The following TAX1BP3 variants were observed in gnomAD, a reference collection of about 807,000 sequenced individuals.
TAX1BP3 encodes the protein Tax1 binding protein 3, also known as tax1-binding protein 3.
TAX1BP3 carries 13 observed loss-of-function variants against 15.3 expected under a neutral mutation model. The ratio of observed to expected loss-of-function variants is 0.85; its 90% CI spans 0.55 to 1.35. TAX1BP3 has a LOEUF of 1.35. Among genes scored for constraint, TAX1BP3 ranks in the 40% most tolerant of loss-of-function variants. The probability of loss-of-function intolerance (pLI) is 0.00; values close to 1 mark genes in which losing one functional copy is unlikely to be tolerated. For missense variants in TAX1BP3, 147 were observed against 169.6 expected (o/e 0.87, Z 0.74); for synonymous variants, 70 against 66.0 (o/e 1.06, Z -0.30).
In TAX1BP3 at chr17:3,663,772, G is replaced by C; in HGVS notation, c.351C>G (p.Ala117=). Residue 117 remains alanine, a synonymous_variant, in exon 4 of 4, where the codon GCC becomes GCG. Transcript: ENST00000225525. The part of the protein sequence containing the change: ...LLVTRQSLQK[A]VQQSMLS ...GCTAGGACAGCATGGACTGCTGCAC[G>C]GCCTTCTGCAGCGACTGCCGCGTCA... The C allele has an allele frequency of 3.7e-6, 6 of 1,605,206 alleles. No homozygotes were observed. The highest frequency in any genetic ancestry group is 5.1e-6 in the Non-Finnish European group (6 of 1,179,460).
chr17:3,665,655 A>G, intron 1 of TAX1BP3: 1 of 1,082,444 alleles, frequency 9.2e-7, no homozygotes, highest in Non-Finnish European at 1.4e-6. Flanking sequence ...AACCAACGGG[A>G]AGGCGCCTGA....
intron 1 of TAX1BP3, among the ~76,000 whole-genome samples, chr17:3,666,992 C>A (rs2076346382): frequency 6.6e-6 from 1 of 152,150 alleles, no homozygotes; most frequent in Admixed American, 6.5e-5. Context: ...GTCCCTGCCC[C>A]CCTTCTACCT....
intron 2 of TAX1BP3, 51 bp downstream of exon 2, chr17:3,664,628 C>T: frequency 6.2e-7 from 1 of 1,609,808 alleles, no homozygotes; most frequent in Non-Finnish European, 8.5e-7. Flanking sequence ...GACCCACCAT[C>T]TCAGGCCCCT....
chr17:3,668,549 A>C lies in TAX1BP3; in HGVS notation c.-23T>G. ...CATCTCGACCCTGCTCTGGTCGCCC[A>C]GCGCCGCTCCGAGAAGCCGGCAGCA... On this transcript the variant is annotated 5_prime_UTR_variant, in exon 1 of 4. Transcript: ENST00000225525. The surrounding 1 kb of genome is among the most constrained non-coding windows in gnomAD (Gnocchi z 4.1). 1.3e-6 allele frequency: 2 copies of C among 1,594,014 alleles called. No homozygotes were observed. Among genetic ancestry groups the C allele is most frequent in the Non-Finnish European group, 1.7e-6 (2 of 1,171,960 alleles).
intron 1 of TAX1BP3, among the ~76,000 whole-genome samples, chr17:3,665,944 C>A (rs1054621200): frequency 1.3e-5 from 2 of 152,118 alleles, no homozygotes; most frequent in African/African-American, 4.8e-5. Flanking sequence ...CTCCCTAAGC[C>A]CCAGACCCTG....
intron 1 of TAX1BP3, among the ~76,000 whole-genome samples, chr17:3,666,160 C>T (rs2076338567): frequency 6.6e-6 from 1 of 152,206 alleles, no homozygotes; most frequent in Admixed American, 6.5e-5. Context: ...AAGCAGAAGA[C>T]CACAATCTAG....
rs1275774225 is a variant in TAX1BP3, at chr17:3,664,721, C to T, written c.117G>A (p.Gln39=). Residue 39 remains glutamine (Q), a synonymous_variant, in exon 2 of 4, where the codon CAG becomes CAA. Coordinates refer to ENST00000225525, the MANE Select transcript of TAX1BP3 (RefSeq NM_014604.4). ...LGFSIGGGID[Q]DPSQNPFSED... ...CAGAGAAGGGATTCTGGGAAGGATCCTGGTCGATTCCACCTCCAATGCTGA... is the reference window on the plus strand; with the variant it reads ...CAGAGAAGGGATTCTGGGAAGGATCTTGGTCGATTCCACCTCCAATGCTGA... The T allele has an allele frequency of 6.2e-7, 1 of 1,613,836 alleles. No homozygotes were observed. The highest frequency in any genetic ancestry group is 8.5e-7 in the Non-Finnish European group (1 of 1,179,930).
At chr17:3,664,448 C>A in intron 2 of TAX1BP3, 176 bp from the exon 3 acceptor site, 1 of 941,914 alleles carries the variant, frequency 1.1e-6, no homozygotes, top group Non-Finnish European at 1.6e-6. Context: ...TGCTGCACCA[C>A]CATGCACCGG....
chr17:3,663,293 C>A lies in TAX1BP3; in HGVS notation c.*455G>T, dbSNP rs2076302805. The A allele has an allele frequency of 6.5e-6, 1 of 154,772 alleles. No homozygotes were observed. 9.6% of individuals were successfully genotyped at this position (154,772 alleles called of 1,614,324 possible). On this transcript the variant is annotated 3_prime_UTR_variant, in exon 4 of 4. Coordinates refer to ENST00000225525, the MANE Select transcript of TAX1BP3 (RefSeq NM_014604.4). ...CCTCTGGCAGGATGTGTGTCCAGTC[C>A]CCCGAGGGGCAGAGGCACTGCGGTG...
Position 3,668,425 on chromosome 17 carries a change from G to T in TAX1BP3, c.39+63C>A. ...CTCTGTCAACCTGCTTGGGGTGTCC[G>T]TTTCCCGCTCTGCGAGGTGGGGTCA... On this transcript the variant is annotated intron_variant, in intron 1 of 3. Transcript: ENST00000225525. The surrounding 1 kb of genome is among the most constrained non-coding windows in gnomAD (Gnocchi z 4.1). 6.3e-7 allele frequency: 1 copy of T among 1,583,254 alleles called. No individual in the cohort carries two copies. The highest frequency in any genetic ancestry group is 1.4e-5 in the African/African-American group (1 of 73,334).
At chr17:3,667,300 G>A (rs553874465) in intron 1 of TAX1BP3, among the ~76,000 whole-genome samples, 13 of 145,050 alleles carry the variant, frequency 9.0e-5, no homozygotes, top group East Asian at 2.0e-4. Context: ...CCGAGATCGC[G>A]CCACTGTACT....
chr17:3,665,391 C>A (rs2076328919), intron 1 of TAX1BP3: 9 of 1,459,080 alleles, frequency 6.2e-6, no homozygotes, highest in Non-Finnish European at 4.7e-6. Flanking sequence ...CAAGGGTTAC[C>A]ATGGCAAAAC....
chr17:3,666,495 C>T (rs773843538), intron 1 of TAX1BP3, among the ~76,000 whole-genome samples: 7 of 152,106 alleles, frequency 4.6e-5, no homozygotes, highest in Admixed American at 4.6e-4. Context: ...CAGATGGGGA[C>T]CCAGGAGGAG....
chr17:3,668,095 G>A lies in TAX1BP3; in HGVS notation c.39+393C>T, dbSNP rs979984408. 1.3e-5 allele frequency among the ~76,000 whole-genome samples: 2 copies of A among 152,240 alleles called. No individual in the cohort carries two copies. The highest frequency in any genetic ancestry group is 1.9e-4 in the East Asian group (1 of 5,194). ...TCCGGGCGGCGGCGCAGGCTGCAGC[G>A]GAGGAAGCATTTCCTCATTCCAGAG... On this transcript the variant is annotated intron_variant, in intron 1 of 3. Transcript: ENST00000225525. The surrounding 1 kb of genome is among the most constrained non-coding windows in gnomAD (Gnocchi z 4.1).
At chr17:3,664,554 C>T in intron 2 of TAX1BP3, 125 bp downstream of exon 2, 2 of 1,368,338 alleles carry the variant, frequency 1.5e-6, no homozygotes, top group Non-Finnish European at 2.1e-6. Flanking sequence ...ACTTCCGATG[C>T]CTTCTTAGAG....
chr17:3,665,640 G>T, intron 1 of TAX1BP3: 1 of 1,100,274 alleles, frequency 9.1e-7, no homozygotes, highest in Non-Finnish European at 1.4e-6. Context: ...AGCACACTTT[G>T]TGAGAACCAA....
At chr17:3,664,466 G>C (rs1042267936) in intron 2 of TAX1BP3, 194 bp from the exon 3 acceptor site, 5 of 929,516 alleles carry the variant, frequency 5.4e-6, no homozygotes, top group Non-Finnish European at 8.3e-6. Context: ...CGGCCCTGCT[G>C]ATGGCCGCCT....
At chr17:3,665,058 G>A (rs949366184) in intron 1 of TAX1BP3, among the ~76,000 whole-genome samples, 7 of 152,204 alleles carry the variant, frequency 4.6e-5, no homozygotes, top group African/African-American at 1.7e-4. Flanking sequence ...AACATGTGGT[G>A]GAAGCCCCTG....
chr17:3,666,293 T>C (rs1335268925), intron 1 of TAX1BP3, among the ~76,000 whole-genome samples: 1 of 152,172 alleles, frequency 6.6e-6, no homozygotes, highest in Non-Finnish European at 1.5e-5. Flanking sequence ...GGGTAGGGCA[T>C]GGTCAGGTTT....
Sources: allele counts gnomAD v4.1 joint callset (sites outside exome capture counted in the v4.1 genomes callset), GRCh38; gene constraint gnomAD v4.1.1; non-coding constraint Gnocchi (gnomAD v3.1); transcripts MANE v1.5; gene names NCBI Gene and HGNC (gene_info 2026-07-23, HGNC 2026-07-21).